PTPRJ: variants seen among roughly 807,000 people sequenced by gnomAD.
The protein encoded by PTPRJ is protein tyrosine phosphatase receptor type J, also known as receptor-type tyrosine-protein phosphatase eta.
Under a neutral mutation model 141.3 loss-of-function variants are expected in PTPRJ, and 129 were observed. The ratio of observed to expected loss-of-function variants is 0.91; its 90% CI spans 0.79 to 1.06. The LOEUF (loss-of-function observed/expected upper bound fraction) is 1.06. Among genes scored for constraint, PTPRJ ranks in the 50% least tolerant of loss-of-function variants. The pLI, the probability that PTPRJ is intolerant of heterozygous loss-of-function variation, is 0.00. For synonymous variants in PTPRJ, 610 were observed against 640.5 expected (o/e 0.95, Z 0.72); for missense variants, 1,601 against 1,679.7 (o/e 0.95, Z 0.82).
chr11:48,088,446 T>C (rs184231080), intron 1 of PTPRJ, among the ~76,000 whole-genome samples: 1 of 152,312 alleles, frequency 6.6e-6, no homozygotes, highest in Admixed American at 6.5e-5. Context: ...TACCGGACTC[T>C]CCTGGTGACA....
At chr11:48,038,217 G>GT (rs1377945301) in intron 1 of PTPRJ, among the ~76,000 whole-genome samples, 2 of 152,070 alleles carry the variant, frequency 1.3e-5, no homozygotes, top group Non-Finnish European at 2.9e-5. Flanking sequence ...CTTGCACGTA[G>GT]TAAGTGCTCA....
In PTPRJ at chr11:48,094,247, A is replaced by G. The variant is rs762688499; in HGVS notation, c.97-15811A>G. ...ATTTGCTAAAACATGTAAGAAGAAG[A>G]AAGTTCTTACATTGTTAGGTCCCAA... On this transcript the variant is annotated intron_variant, in intron 1 of 24. Coordinates refer to ENST00000418331, the MANE Select transcript of PTPRJ (RefSeq NM_002843.4). Among the ~76,000 whole-genome samples the G allele has an allele frequency of 5.3e-5, 8 of 152,240 alleles. No individual in the cohort carries two copies. The South Asian group carries it at 8.3e-4, about 16-fold the overall frequency.
chr11:48,135,875 G>C (rs1011183718), intron 8 of PTPRJ, among the ~76,000 whole-genome samples, 164 bp from the exon 9 acceptor site: 1 of 152,132 alleles, frequency 6.6e-6, no homozygotes, highest in African/African-American at 2.4e-5. Flanking sequence ...ATTCTTGAGA[G>C]CACTGAGTGT....
At chr11:48,041,399 T>C (rs900841807) in intron 1 of PTPRJ, among the ~76,000 whole-genome samples, 4 of 152,344 alleles carry the variant, frequency 2.6e-5, no homozygotes, top group Admixed American at 2.6e-4. Flanking sequence ...ATGTGTGCTA[T>C]ACAGTTTATT....
At chr11:47,992,350 T>G (rs550568180) in intron 1 of PTPRJ, among the ~76,000 whole-genome samples, 2 of 152,218 alleles carry the variant, frequency 1.3e-5, no homozygotes, top group African/African-American at 4.8e-5. Flanking sequence ...AATTTTTGTA[T>G]TTTTAGTAGA....
Position 48,124,020 on chromosome 11 carries a change from G to A in PTPRJ, c.874+150G>A, listed in dbSNP as rs1040744834. The stretch of plus-strand genomic sequence containing the variant: ...CACATTTTAGTTTGATCCCCCACCT[G>A]CATGAGGAAGGAAGGAAACGTGTTC... On this transcript the variant is annotated intron_variant, in intron 5 of 24. Coordinates refer to ENST00000418331, the MANE Select transcript of PTPRJ (RefSeq NM_002843.4). 3.4e-6 allele frequency: 3 copies of A among 886,014 alleles called. No individual in the cohort carries two copies. The African/African-American group carries it at 5.1e-5, about 15-fold the overall frequency. 54.9% of individuals were successfully genotyped at this position (886,014 alleles called of 1,614,324 possible).
At chr11:48,150,476 C>T (rs1415415737) in intron 18 of PTPRJ, among the ~76,000 whole-genome samples, 1 of 152,202 alleles carries the variant, frequency 6.6e-6, no homozygotes, top group Non-Finnish European at 1.5e-5. Context: ...TCCTGGATGT[C>T]TACCTTGGAC....
chr11:48,026,387 A>G (rs1004640719), intron 1 of PTPRJ, among the ~76,000 whole-genome samples: 5 of 152,276 alleles, frequency 3.3e-5, no homozygotes, highest in African/African-American at 4.8e-5. Context: ...GCCCAAGGCA[A>G]TACCTAAAAC....
intron 6 of PTPRJ, among the ~76,000 whole-genome samples, chr11:48,126,819 C>CAG (rs1856846967): frequency 1.6e-5 from 2 of 123,196 alleles, no homozygotes; most frequent in Non-Finnish European, 3.3e-5. Context: ...CACACACACA[C>CAG]AGATAAACAC....
intron 14 of PTPRJ, among the ~76,000 whole-genome samples, chr11:48,145,332 C>T (rs1857324618): frequency 6.6e-6 from 1 of 152,160 alleles, no homozygotes; most frequent in East Asian, 1.9e-4. Context: ...CCACACTCTC[C>T]CTTCTCTAAG....
chr11:48,018,693 A>C (rs1855017786), intron 1 of PTPRJ, among the ~76,000 whole-genome samples: 1 of 152,182 alleles, frequency 6.6e-6, no homozygotes, highest in South Asian at 2.1e-4. Context: ...GGGCCCAGCC[A>C]GCAAATCCTT....
At chr11:48,024,664 C>T in intron 1 of PTPRJ, among the ~76,000 whole-genome samples, 1 of 152,376 alleles carries the variant, frequency 6.6e-6, no homozygotes, top group South Asian at 2.1e-4. Context: ...TTTTGAAACT[C>T]TGTGCCTGCT....
chr11:48,167,531 G>C lies in PTPRJ; in HGVS notation c.*169G>C. The C allele has an allele frequency of 1.5e-6, 1 of 661,854 alleles. No individual in the cohort carries two copies. The highest frequency in any genetic ancestry group is 2.3e-6 in the Non-Finnish European group (1 of 428,414). The allele number at this position is 661,854 out of a possible 1,614,324, so 41.0% of individuals were successfully genotyped here. A position where few individuals can be genotyped will look rare whatever the true frequency, so the allele number is the denominator to read the frequency against. On this transcript the variant is annotated 3_prime_UTR_variant, in exon 25 of 25. Transcript: ENST00000418331. ...CTGCATATGATAGATGACAAATTGG[G>C]GCTGTCGGGGGCTGTGGATGGGTGG...
At chr11:48,152,769 C>G (rs1320180378) in intron 18 of PTPRJ, among the ~76,000 whole-genome samples, 1 of 152,164 alleles carries the variant, frequency 6.6e-6, no homozygotes, top group African/African-American at 2.4e-5. Flanking sequence ...GGGCTCTGTT[C>G]TGTTCCATTG....
At chr11:48,008,021 G>T (rs1224405152) in intron 1 of PTPRJ, among the ~76,000 whole-genome samples, 1 of 152,174 alleles carries the variant, frequency 6.6e-6, no homozygotes, top group African/African-American at 2.4e-5. Context: ...GAGCACACAG[G>T]GTATTCAGTA....
rs577111942 is a variant in PTPRJ at position 48,070,227 on chromosome 11, G to A, written c.97-39831G>A. ...TGAGAAATGGCACAAGGGGCTGGGC[G>A]CGGTGGCTCATGCCTGTAATCCCAG... On this transcript the variant is annotated intron_variant, in intron 1 of 24. Transcript: ENST00000418331. Among the ~76,000 whole-genome samples the A allele has an allele frequency of 1.6e-3, 244 of 152,264 alleles. 1 individual carries two copies. Among genetic ancestry groups the A allele is most frequent in the East Asian group, 9.6e-4 (5 of 5,182 alleles).
intron 1 of PTPRJ, among the ~76,000 whole-genome samples, chr11:48,031,105 G>A (rs1311136384): frequency 6.6e-6 from 1 of 152,166 alleles, no homozygotes. Context: ...CCACCTAATT[G>A]TTCTGCATGG....
At chr11:48,054,394 A>G (rs1323260224) in intron 1 of PTPRJ, among the ~76,000 whole-genome samples, 1 of 152,234 alleles carries the variant, frequency 6.6e-6, no homozygotes, top group African/African-American at 2.4e-5. Flanking sequence ...AGGAGAGGTC[A>G]TCTTGTCTAT....
At chr11:48,133,148 C>T (rs922741908) in intron 8 of PTPRJ, among the ~76,000 whole-genome samples, 3 of 152,162 alleles carry the variant, frequency 2.0e-5, no homozygotes, top group African/African-American at 7.2e-5. Flanking sequence ...TCATTTCTGT[C>T]TTACAGAGTA....
Sources: allele counts gnomAD v4.1 joint callset (sites outside exome capture counted in the v4.1 genomes callset), GRCh38; gene constraint gnomAD v4.1.1; transcripts MANE v1.5; gene names NCBI Gene and HGNC (gene_info 2026-07-23, HGNC 2026-07-21).